NXPE2: variants seen among roughly 807,000 people sequenced by gnomAD.
NXPE2 encodes the protein NXPE family member 2.
Under a neutral mutation model 34.4 loss-of-function variants are expected in NXPE2, and 34 were observed. The observed-to-expected ratio is 0.99, with a 90% CI of 0.75 to 1.31. NXPE2 has a LOEUF of 1.31. NXPE2 is among the 40% of genes most tolerant of loss of function. The pLI is 0.00. For missense variants in NXPE2, 649 were observed against 672.5 expected, an observed-to-expected ratio of 0.97 and a Z score of 0.39; for synonymous variants, 235 against 231.3, an observed-to-expected ratio of 1.02 and a Z score of -0.15.
At chr11:114,679,857 A>G (rs919818577) in intron 2 of NXPE2, 95 bp downstream of exon 2, 4 of 711,330 alleles carry the variant, frequency 5.6e-6, no homozygotes, top group African/African-American at 5.3e-5. Context: ...AGTTAAAAGC[A>G]TATCATCTTA....
the NXPE2 span, among the ~76,000 whole-genome samples, chr11:114,807,928 A>C: frequency 6.6e-6 from 1 of 152,210 alleles, no homozygotes; most frequent in African/African-American, 2.4e-5. Context: ...TCCAAAATTG[A>C]CCACATAGTT....
chr11:114,474,733 C>G, the NXPE2 span, among the ~76,000 whole-genome samples: 2 of 152,046 alleles, frequency 1.3e-5, no homozygotes, highest in Admixed American at 1.3e-4. Context: ...ATCTTTGAAA[C>G]GATAGGTGAC....
At chr11:114,615,247 C>T in the NXPE2 span, among the ~76,000 whole-genome samples, 36 of 151,756 alleles carry the variant, frequency 2.4e-4, no homozygotes, top group African/African-American at 8.5e-4. Flanking sequence ...CACTGTTACC[C>T]AGTGGATTAT....
the NXPE2 span, among the ~76,000 whole-genome samples, chr11:114,617,581 C>T: frequency 7.9e-5 from 12 of 151,984 alleles, no homozygotes; most frequent in South Asian, 2.1e-4. Context: ...CACGGGTAAC[C>T]GGTGTTACCC....
the NXPE2 span, among the ~76,000 whole-genome samples, chr11:114,468,147 AAAT>A: frequency 1.5e-5 from 2 of 129,192 alleles, no homozygotes; most frequent in Admixed American, 1.5e-4. Context: ...AAAAAAAAAA[AAAT>A]TGCAAAAAGT....
chr11:114,628,042 G>C, the NXPE2 span, among the ~76,000 whole-genome samples: 1 of 150,910 alleles, frequency 6.6e-6, no homozygotes, highest in Non-Finnish European at 1.5e-5. Flanking sequence ...GACCTACAAA[G>C]AGACTTAGAC....
At chr11:114,628,474 A>G in the NXPE2 span, among the ~76,000 whole-genome samples, 2 of 152,148 alleles carry the variant, frequency 1.3e-5, no homozygotes, top group Admixed American at 6.5e-5. Flanking sequence ...GAAACCAATG[A>G]GAACAAAGAC....
chr11:114,477,852 T>C, the NXPE2 span, among the ~76,000 whole-genome samples: 1 of 151,988 alleles, frequency 6.6e-6, no homozygotes, highest in East Asian at 1.9e-4. Context: ...CCCTTTCTTT[T>C]TCTTAGAGCA....
chr11:114,733,254 C>T, the NXPE2 span, among the ~76,000 whole-genome samples: 3,774 of 152,174 alleles, frequency 0.025, 158 homozygotes, highest in African/African-American at 0.086. Context: ...CCAACACGCC[C>T]GGCTAATTTT....
At chr11:114,594,118 A>G in the NXPE2 span, among the ~76,000 whole-genome samples, 1 of 152,158 alleles carries the variant, frequency 6.6e-6, no homozygotes, top group Non-Finnish European at 1.5e-5. Flanking sequence ...ATTTGATAGT[A>G]TAACAGGGTA....
At chr11:114,687,549 T>C (rs1951071293) in intron 2 of NXPE2, among the ~76,000 whole-genome samples, 1 of 152,142 alleles carries the variant, frequency 6.6e-6, no homozygotes, top group Non-Finnish European at 1.5e-5. Context: ...GACAATGTGA[T>C]GCCACTAGCT....
the NXPE2 span, among the ~76,000 whole-genome samples, chr11:114,603,941 A>G: frequency 6.6e-6 from 1 of 151,218 alleles, no homozygotes; most frequent in African/African-American, 2.4e-5. Flanking sequence ...GATAATAAGT[A>G]TTGCCTCTTC....
chr11:114,636,828 C>T, the NXPE2 span, among the ~76,000 whole-genome samples: 1 of 152,036 alleles, frequency 6.6e-6, no homozygotes, highest in Non-Finnish European at 1.5e-5. Flanking sequence ...GTCTGAGAGA[C>T]AGTTTGTTAT....
chr11:114,522,486 G>A, the NXPE2 span: 1 of 1,597,434 alleles, frequency 6.3e-7, no homozygotes, highest in African/African-American at 1.3e-5. Context: ...GTTTCATGAA[G>A]ATCAAAAAAC....
chr11:114,757,654 A>C, the NXPE2 span, among the ~76,000 whole-genome samples: 1 of 152,238 alleles, frequency 6.6e-6, no homozygotes, highest in Non-Finnish European at 1.5e-5. Flanking sequence ...AGTGAAACCA[A>C]AGGAGAAATA....
chr11:114,809,706 G>C, the NXPE2 span, among the ~76,000 whole-genome samples: 1 of 145,626 alleles, frequency 6.9e-6, no homozygotes, highest in Admixed American at 7.1e-5. Flanking sequence ...CAAACCAATG[G>C]AAGAACATTC....
chr11:114,710,636 T>G (rs1239548703), downstream of NXPE2, among the ~76,000 whole-genome samples: 1 of 151,966 alleles, frequency 6.6e-6, no homozygotes, highest in Non-Finnish European at 1.5e-5. Context: ...ATAAAAAGCC[T>G]AGGCCCAGAT....
At chr11:114,791,643 G>A in the NXPE2 span, among the ~76,000 whole-genome samples, 20 of 152,186 alleles carry the variant, frequency 1.3e-4, no homozygotes, top group Non-Finnish European at 2.4e-4. Context: ...GAATGGATAA[G>A]GTAGGGTGAA....
At chr11:114,727,247 C>G in the NXPE2 span, among the ~76,000 whole-genome samples, 2 of 152,066 alleles carry the variant, frequency 1.3e-5, no homozygotes, top group Non-Finnish European at 2.9e-5. Flanking sequence ...AGTCTGAGAT[C>G]AGGGTGTCAG....
Sources: allele counts gnomAD v4.1 joint callset (sites outside exome capture counted in the v4.1 genomes callset), GRCh38; gene constraint gnomAD v4.1.1; transcripts MANE v1.5; gene names NCBI Gene and HGNC (gene_info 2026-07-23, HGNC 2026-07-21).